HUNK: variants seen among roughly 807,000 people sequenced by gnomAD.
HUNK encodes hormonally up-regulated neu tumor-associated kinase.
In HUNK, 21 loss-of-function variants were observed where a neutral mutation model predicts 61.0. The ratio of observed to expected loss-of-function variants is 0.34; its 90% confidence interval spans 0.24 to 0.50. The LOEUF is 0.50. HUNK is among the 20% of genes least tolerant of loss of function. HUNK has a pLI of 0.98. For missense variants in HUNK, 772 were observed against 945.7 expected (o/e 0.82, Z 2.41); for synonymous variants, 371 against 386.1 (o/e 0.96, Z 0.46).
chr21:31,875,092 G>A (rs1467796152), intron 1 of HUNK, among the ~76,000 whole-genome samples: 1 of 152,192 alleles, frequency 6.6e-6, no homozygotes, highest in Non-Finnish European at 1.5e-5. Context: ...GTGGGTCAGG[G>A]AGGCGTCAGC....
chr21:31,944,124 G>A (rs1182072692), intron 3 of HUNK, among the ~76,000 whole-genome samples: 10 of 152,338 alleles, frequency 6.6e-5, no homozygotes, highest in South Asian at 6.2e-4. Context: ...CTGTCTCCCA[G>A]GCTGGAGTGC....
chr21:31,995,158 C>CAAA (rs34858300), intron 9 of HUNK, among the ~76,000 whole-genome samples: 41 of 73,804 alleles, frequency 5.6e-4, no homozygotes, highest in African/African-American at 1.8e-3. Flanking sequence ...GACCCTGCCT[C>CAAA]AAAAAAAAAA....
intron 4 of HUNK, among the ~76,000 whole-genome samples, chr21:31,953,584 T>C (rs1377678364): frequency 6.6e-6 from 1 of 152,222 alleles, no homozygotes; most frequent in Non-Finnish European, 1.5e-5. Flanking sequence ...TGTAGCTTTT[T>C]CCCTCTTATT....
rs140422791 is a variant in HUNK at position 31,958,629 on chromosome 21, C to G, written c.747-214C>G. Among the ~76,000 whole-genome samples the G allele has an allele frequency of 1.2e-3, 176 of 152,256 alleles. 5 individuals are homozygous for G. The East Asian group carries it at 0.032, about 28-fold the overall frequency. On this transcript the variant is annotated intron_variant, in intron 4 of 10. Transcript: ENST00000270112. The stretch of plus-strand genomic sequence containing the variant: ...TCCTGACCTCAGATGATCCACCTCC[C>G]AAAGTGCTGGGATTACAGGCATGAG...
chr21:31,894,306 A>G (rs1408105758), intron 1 of HUNK, among the ~76,000 whole-genome samples: 2 of 152,178 alleles, frequency 1.3e-5, no homozygotes, highest in Non-Finnish European at 2.9e-5. Flanking sequence ...CCTCTTCCAG[A>G]TCATTCCCTC....
chr21:31,959,223 G>T (rs1045840373), intron 5 of HUNK, among the ~76,000 whole-genome samples: 4 of 152,028 alleles, frequency 2.6e-5, no homozygotes, highest in African/African-American at 4.8e-5. Context: ...TCCTCCTTCT[G>T]CACAAAACAC....
rs758128547 is a variant in HUNK at position 31,990,131 on chromosome 21, C to T, written c.1260C>T (p.Ala420=). The change falls in exon 9 of 11, where the codon GCC becomes GCT. Residue 420 remains alanine (A), a splice_region_variant and synonymous_variant. Transcript: ENST00000270112. Reference sequence around the variant, plus strand: ...TTGAAGGATGTTCCTTTTCACAGGCCTCTCTGGACACCTGGACACGAGATC... The same window carrying T: ...TTGAAGGATGTTCCTTTTCACAGGCTTCTCTGGACACCTGGACACGAGATC... The part of the protein sequence containing the change: ...KYRAPKESYE[A]SLDTWTRDLE... 9 of 1,613,836 alleles carry T rather than the reference C, an allele frequency of 5.6e-6. No individual in the cohort carries two copies. Among genetic ancestry groups the T allele is most frequent in the Middle Eastern group, 1.6e-4 (1 of 6,062 alleles).
chr21:31,951,826 A>G (rs951959017), intron 4 of HUNK, among the ~76,000 whole-genome samples: 1 of 152,198 alleles, frequency 6.6e-6, no homozygotes, highest in Non-Finnish European at 1.5e-5. Flanking sequence ...ACTACCAGAT[A>G]TCATCAGCTA....
At chr21:31,914,109 TG>T (rs1403575750) in intron 1 of HUNK, among the ~76,000 whole-genome samples, 5 of 152,014 alleles carry the variant, frequency 3.3e-5, no homozygotes, top group African/African-American at 1.2e-4. Flanking sequence ...GAAGAGGAAC[TG>T]TAAGACCTGG....
At position 32,001,740 on chromosome 21, in the gene HUNK, T is replaced by G. The variant is rs2053247664; in HGVS notation, c.*2556T>G. ...TTAGATTCTTTATTATTTTATTATA[T>G]TTATATGGAAAGCTCGACTCTCCCT... On this transcript the variant is annotated 3_prime_UTR_variant, in exon 11 of 11. Coordinates refer to ENST00000270112, the MANE Select transcript of HUNK (RefSeq NM_014586.2). 1 of 152,574 alleles carries G rather than the reference T, an allele frequency of 6.6e-6. No individual in the cohort carries two copies. The highest frequency in any genetic ancestry group is 1.9e-4 in the East Asian group (1 of 5,194). The allele number at this position is 152,574 out of a possible 1,614,324, so 9.5% of individuals were successfully genotyped here.
intron 1 of HUNK, among the ~76,000 whole-genome samples, chr21:31,896,115 T>A (rs192174711): frequency 3.3e-5 from 5 of 152,268 alleles, no homozygotes; most frequent in Middle Eastern, 3.4e-3. Flanking sequence ...GAGAAGGGCC[T>A]CAGGAGGAAG....
chr21:31,882,245 A>G (rs1164609540), intron 1 of HUNK, among the ~76,000 whole-genome samples: 2 of 152,190 alleles, frequency 1.3e-5, no homozygotes, highest in African/African-American at 4.8e-5. Flanking sequence ...TGCCCTAGCT[A>G]TGCAACTTCT....
chr21:31,974,649 A>G lies in HUNK; in HGVS notation c.1105A>G (p.Asn369Asp), dbSNP rs1211970980. The G allele has an allele frequency of 6.2e-7, 1 of 1,614,018 alleles. No individual in the cohort carries two copies. Among genetic ancestry groups the G allele is most frequent in the Non-Finnish European group, 8.5e-7 (1 of 1,179,982 alleles). Residue 369 changes from asparagine to aspartate, a missense_variant, in exon 7 of 11, where the codon AAC (asparagine) becomes GAC (aspartate). Transcript: ENST00000270112. ...CGACGTGATCAACACTGTGCTCTCC[A>G]ACCGCGCCTGCCACATCCTGGCCAT... ...NSDVINTVLS[N>D]RACHILAIYF...
chr21:31,939,464 A>G (rs1463042382), intron 2 of HUNK, among the ~76,000 whole-genome samples: 1 of 127,902 alleles, frequency 7.8e-6, no homozygotes, highest in East Asian at 2.3e-4. Context: ...GCTGGAGTGC[A>G]ATGGTGCAAT....
intron 1 of HUNK, among the ~76,000 whole-genome samples, chr21:31,890,580 A>T (rs981633714): frequency 6.6e-6 from 1 of 152,118 alleles, no homozygotes; most frequent in Non-Finnish European, 1.5e-5. Flanking sequence ...GCATTCCATT[A>T]TTTGGAGTTG....
At chr21:31,914,566 A>G (rs1170719491) in intron 1 of HUNK, among the ~76,000 whole-genome samples, 1 of 152,148 alleles carries the variant, frequency 6.6e-6, no homozygotes, top group Non-Finnish European at 1.5e-5. Context: ...TGCCACAACA[A>G]AATACCATGG....
rs375947112 is a variant in HUNK at position 31,955,426 on chromosome 21, GAAAA to G, written c.747-3404_747-3401del. Among the ~76,000 whole-genome samples the G allele has an allele frequency of 2.2e-4, 29 of 130,484 alleles. 1 individual carries two copies. Among genetic ancestry groups the G allele is most frequent in the African/African-American group, 7.9e-4 (28 of 35,378 alleles). 85.6% of individuals were successfully genotyped at this position (130,484 alleles called of 152,430 possible). A position where few individuals can be genotyped will look rare whatever the true frequency, so the allele number is the denominator to read the frequency against. Reference sequence around the variant, plus strand: ...TAACACAGTGAAACCCCGTCTCTACGAAAAAAAAAAAAAAAATAGCCAGGCCTGG... The same window carrying G: ...TAACACAGTGAAACCCCGTCTCTACGAAAAAAAAAAAATAGCCAGGCCTGG... On this transcript the variant is annotated intron_variant, in intron 4 of 10. Transcript: ENST00000270112.
At chr21:31,931,628 C>G (rs1202522281) in intron 2 of HUNK, among the ~76,000 whole-genome samples, 1 of 152,146 alleles carries the variant, frequency 6.6e-6, no homozygotes, top group African/African-American at 2.4e-5. Context: ...TTCCCCAGGC[C>G]CCCTTGCTTG....
chr21:31,938,382 A>G (rs2052746166), intron 2 of HUNK, among the ~76,000 whole-genome samples: 1 of 152,216 alleles, frequency 6.6e-6, no homozygotes. Flanking sequence ...TGTTTTAAAT[A>G]TGAGTTTGTT....
Sources: gnomAD v4.1 joint callset for allele counts (sites outside exome capture counted in the v4.1 genomes callset) on GRCh38, gnomAD v4.1.1 for gene constraint, MANE v1.5 for transcripts, NCBI Gene and HGNC (gene_info 2026-07-23, HGNC 2026-07-21) for gene names.